CSMD2: variants seen among roughly 807,000 people sequenced by gnomAD.
CSMD2 encodes the protein CUB and sushi domain-containing protein 2.
In CSMD2, 130 loss-of-function variants were observed where a neutral mutation model predicts 398.5. That is an observed-to-expected ratio of 0.33 (90% CI 0.28 to 0.38). CSMD2 has a LOEUF of 0.38. Among genes scored for constraint, CSMD2 ranks in the 10% least tolerant of loss-of-function variants. The pLI is 1.00. For synonymous variants in CSMD2, 1,828 were observed against 1,908.5 expected (o/e 0.96, Z 1.10); for missense variants, 3,829 against 4,764.9 (o/e 0.80, Z 5.78).
intron 13 of CSMD2, among the ~76,000 whole-genome samples, chr1:33,755,178 C>T (rs1648812414): frequency 6.6e-6 from 1 of 152,128 alleles, no homozygotes; most frequent in African/African-American, 2.4e-5. Context: ...GGTAAGTAAA[C>T]TGAGGCAGCT....
At chr1:34,003,188 A>T (rs1390063428) in intron 3 of CSMD2, among the ~76,000 whole-genome samples, 1 of 151,802 alleles carries the variant, frequency 6.6e-6, no homozygotes, top group Non-Finnish European at 1.5e-5. Context: ...AGTCCCAGGT[A>T]CTTAGGAGCT....
At chr1:34,069,359 G>A (rs1655466135) in intron 2 of CSMD2, among the ~76,000 whole-genome samples, 1 of 152,300 alleles carries the variant, frequency 6.6e-6, no homozygotes, top group Middle Eastern at 3.4e-3. Flanking sequence ...GGTGACCTCA[G>A]CAAAGCAACA....
intron 1 of CSMD2, among the ~76,000 whole-genome samples, chr1:34,127,102 T>C (rs1457358299): frequency 6.6e-6 from 1 of 151,820 alleles, no homozygotes; most frequent in African/African-American, 2.4e-5. Context: ...CAGATAGGGA[T>C]AGCGGAAGGC....
intron 43 of CSMD2, among the ~76,000 whole-genome samples, chr1:33,601,223 A>T (rs2148805837): frequency 1.3e-5 from 2 of 152,282 alleles, no homozygotes; most frequent in Middle Eastern, 6.8e-3. Context: ...GCTCACACTG[A>T]TTCCTCATCC....
At chr1:33,940,025 C>T (rs74069868) in intron 3 of CSMD2, among the ~76,000 whole-genome samples, 3,947 of 152,270 alleles carry the variant, frequency 0.026, 171 homozygotes, top group African/African-American at 0.088. Flanking sequence ...CTTATTTTCT[C>T]ACAGTTATGA....
rs149742315 is a variant in CSMD2 at position 33,520,670 on chromosome 1, T to A, written c.10598-720A>T. On this transcript the variant is annotated intron_variant, in intron 68 of 70. Transcript: ENST00000373381. Reference sequence around the variant, plus strand: ...AACTCCGGGGGAGGAGCAGTGTGGGTGGGAAAGGGTGGGAGCAGACCGTGG... The same window carrying A: ...AACTCCGGGGGAGGAGCAGTGTGGGAGGGAAAGGGTGGGAGCAGACCGTGG... Among the ~76,000 whole-genome samples the A allele has an allele frequency of 5.6e-4, 84 of 149,848 alleles. 1 individual carries two copies. The highest frequency in any genetic ancestry group is 1.7e-3 in the African/African-American group (68 of 41,074).
intron 3 of CSMD2, among the ~76,000 whole-genome samples, chr1:34,022,140 A>G (rs1341781545): frequency 6.6e-6 from 1 of 152,164 alleles, no homozygotes; most frequent in Non-Finnish European, 1.5e-5. Context: ...TTTAATCGGT[A>G]TTTATTGAGC....
At chr1:33,673,884 G>A (rs928160980) in intron 25 of CSMD2, among the ~76,000 whole-genome samples, 1 of 152,146 alleles carries the variant, frequency 6.6e-6, no homozygotes, top group Non-Finnish European at 1.5e-5. Flanking sequence ...AAGGAGAAAT[G>A]AAATCCTTTA....
chr1:33,669,518 T>G (rs1293374299), intron 25 of CSMD2, among the ~76,000 whole-genome samples: 1 of 152,216 alleles, frequency 6.6e-6, no homozygotes, highest in African/African-American at 2.4e-5. Flanking sequence ...GCTTCCCCAG[T>G]TGCCTTCTCC....
At chr1:34,003,892 G>T (rs1646977383) in intron 3 of CSMD2, among the ~76,000 whole-genome samples, 1 of 152,206 alleles carries the variant, frequency 6.6e-6, no homozygotes, top group Non-Finnish European at 1.5e-5. Context: ...AGAGTGGACA[G>T]CTGTTGCTTT....
chr1:33,861,932 C>T (rs1479707151), intron 5 of CSMD2, among the ~76,000 whole-genome samples: 2 of 85,698 alleles, frequency 2.3e-5, no homozygotes, highest in African/African-American at 1.2e-4. Flanking sequence ...CTTAACTTTC[C>T]TCCATCTCTG....
In CSMD2 at chr1:33,867,432, C is replaced by T. The variant is rs76332602; in HGVS notation, c.921-20436G>A. Among the ~76,000 whole-genome samples the T allele has an allele frequency of 1.9e-4, 29 of 152,358 alleles. No individual in the cohort carries two copies. The East Asian group carries it at 2.1e-3, about 11-fold the overall frequency. On this transcript the variant is annotated intron_variant, in intron 5 of 70. Transcript: ENST00000373381. Reference sequence around the variant, plus strand: ...CCAAGGCCTGAAGCAATGCACACAGCTAAGCTGTTACTGGACTCCTGACCC... The same window carrying T: ...CCAAGGCCTGAAGCAATGCACACAGTTAAGCTGTTACTGGACTCCTGACCC...
chr1:34,083,121 AAC>A (rs1657447950), intron 2 of CSMD2, among the ~76,000 whole-genome samples: 2 of 152,142 alleles, frequency 1.3e-5, no homozygotes, highest in Non-Finnish European at 2.9e-5. Flanking sequence ...AGAGATAGAA[AAC>A]ATAGGCAGCT....
chr1:33,602,288 ATAG>A (rs1247803271), intron 43 of CSMD2, 78 bp downstream of exon 43: 40 of 1,487,050 alleles, frequency 2.7e-5, no homozygotes, highest in Non-Finnish European at 3.4e-5. Context: ...TTCTAAACCA[ATAG>A]GTAACTGACT....
intron 3 of CSMD2, among the ~76,000 whole-genome samples, chr1:34,024,853 C>A (rs1425583049): frequency 1.3e-5 from 2 of 152,300 alleles, no homozygotes; most frequent in East Asian, 3.9e-4. Flanking sequence ...GAGATGTCTG[C>A]ATCATGTCCC....
At chr1:33,831,519 C>CTAAAACTA (rs1659555318) in intron 6 of CSMD2, among the ~76,000 whole-genome samples, 1 of 151,974 alleles carries the variant, frequency 6.6e-6, no homozygotes, top group Non-Finnish European at 1.5e-5. Flanking sequence ...AAGCACTAAA[C>CTAAAACTA]ATGGAAAGGA....
At position 33,652,330 on chromosome 1, in the gene CSMD2, A is replaced by G; in HGVS notation, c.4579T>C (p.Phe1527Leu). ...CGGGGGAAAGGTACATACATGTTAAATACCAGGGCGATGACGTAGTCTGGT... is the reference window on the plus strand; with the variant it reads ...CGGGGGAAAGGTACATACATGTTAAGTACCAGGGCGATGACGTAGTCTGGT... ...VSPDYVIALV[F>L]NIFNLEPGYD... Residue 1527 changes from phenylalanine (F) to leucine (L), a missense_variant, in exon 28 of 71, where the codon TTT becomes CTT. Physicochemically the swap from Phe to Leu is conservative, Grantham distance 22. Coordinates refer to ENST00000373381, the MANE Select transcript of CSMD2 (RefSeq NM_001281956.2). 1 of 1,614,130 alleles carries G rather than the reference A, an allele frequency of 6.2e-7. No homozygotes were observed. The highest frequency in any genetic ancestry group is 1.7e-5 in the Admixed American group (1 of 60,014).
intron 3 of CSMD2, among the ~76,000 whole-genome samples, chr1:34,025,371 T>C (rs1373342808): frequency 6.6e-6 from 1 of 151,904 alleles, no homozygotes; most frequent in Non-Finnish European, 1.5e-5. Context: ...ACAATGAAAA[T>C]GAAGCTTGGA....
intron 1 of CSMD2, among the ~76,000 whole-genome samples, chr1:34,092,290 G>A (rs1027186058): frequency 6.6e-6 from 1 of 152,168 alleles, no homozygotes; most frequent in African/African-American, 2.4e-5. Context: ...ACAAGTTACA[G>A]AAAAGTTAAT....
Sources: allele counts gnomAD v4.1 joint callset (sites outside exome capture counted in the v4.1 genomes callset), GRCh38; gene constraint gnomAD v4.1.1; transcripts MANE v1.5; gene names NCBI Gene and HGNC (gene_info 2026-07-23, HGNC 2026-07-21).